The following CD47 variants were observed in gnomAD, a reference collection of about 807,000 sequenced individuals.
CD47 encodes the protein leukocyte surface antigen CD47.
In CD47, 11 loss-of-function variants were observed where a neutral mutation model predicts 44.6. The ratio of observed to expected loss-of-function variants is 0.25; its 90% confidence interval spans 0.16 to 0.41. The LOEUF is 0.41. Ranked by LOEUF, CD47 falls within the 10% of genes least tolerant of loss-of-function variation. The probability of loss-of-function intolerance (pLI) is 1.00; values close to 1 mark genes in which losing one functional copy is unlikely to be tolerated. For missense variants in CD47, 306 were observed against 386.7 expected (o/e 0.79, Z 1.75); for synonymous variants, 140 against 136.3 (o/e 1.03, Z -0.19).
At chr3:108,080,885 T>C (rs968591268) in intron 1 of CD47, among the ~76,000 whole-genome samples, 2 of 151,736 alleles carry the variant, frequency 1.3e-5, no homozygotes, top group Non-Finnish European at 3.0e-5. Context: ...GTAAATAGGA[T>C]GAATCAAATC....
At chr3:108,059,933 T>C (rs559924028) in intron 4 of CD47, among the ~76,000 whole-genome samples, 13 of 152,316 alleles carry the variant, frequency 8.5e-5, no homozygotes, top group African/African-American at 1.7e-4. Context: ...CAGATACCAA[T>C]AGAGCTGCCA....
At position 108,043,441 on chromosome 3, in the gene CD47, T is replaced by TA. The variant is rs201462458; in HGVS notation, c.*3846dup. ...CAGTGATAAATTGATTTAATACATA[T>TA]AAAAAAAAAAACCTTTAACGGTAAC... On this transcript the variant is annotated 3_prime_UTR_variant, in exon 11 of 11. Coordinates refer to ENST00000361309, the MANE Select transcript of CD47 (RefSeq NM_001777.4). 294 of 142,402 alleles carry TA rather than the reference T, an allele frequency of 2.1e-3. 2 individuals carry two copies. The highest frequency in any genetic ancestry group is 3.6e-3 in the Middle Eastern group (1 of 278). The allele number at this position is 142,402 out of a possible 1,614,324, so 8.8% of individuals were successfully genotyped here. A position where few individuals can be genotyped will look rare whatever the true frequency, so the allele number is the denominator to read the frequency against.
At position 108,087,782 on chromosome 3, in the gene CD47, T is replaced by A. The variant is rs151124948; in HGVS notation, c.46+3081A>T. 2.2e-4 allele frequency among the ~76,000 whole-genome samples: 34 copies of A among 152,278 alleles called. No individual in the cohort carries two copies. The East Asian group carries it at 6.6e-3, about 29-fold the overall frequency. ...GAGTCTTATGCAACTGCTCCATGGA[T>A]TTGGAATGAAATATTCAGAGGTGGG... On this transcript the variant is annotated intron_variant, in intron 1 of 10. Coordinates refer to ENST00000361309, the MANE Select transcript of CD47 (RefSeq NM_001777.4).
Position 108,046,703 on chromosome 3 carries a change from C to T in CD47, c.*585G>A, listed in dbSNP as rs1009349811. On this transcript the variant is annotated 3_prime_UTR_variant, in exon 11 of 11. Coordinates refer to ENST00000361309, the MANE Select transcript of CD47 (RefSeq NM_001777.4). Reference sequence around the variant, plus strand: ...CCCCAAGAATGAGGACCACTATCTCCATCAATATCACATCATACGGAGATC... The same window carrying T: ...CCCCAAGAATGAGGACCACTATCTCTATCAATATCACATCATACGGAGATC... 1 of 152,176 alleles carries T rather than the reference C, an allele frequency of 6.6e-6. No homozygotes were observed. The highest frequency in any genetic ancestry group is 2.4e-5 in the African/African-American group (1 of 41,382). The allele number at this position is 152,176 out of a possible 1,614,324, so 9.4% of individuals were successfully genotyped here.
At chr3:108,089,982 T>A (rs1243133411) in intron 1 of CD47, among the ~76,000 whole-genome samples, 1 of 109,324 alleles carries the variant, frequency 9.1e-6, no homozygotes, top group African/African-American at 3.6e-5. Context: ...AAAAGCGAAA[T>A]GGATTCCAAA....
chr3:108,077,684 A>G (rs2079334236), intron 2 of CD47, among the ~76,000 whole-genome samples: 1 of 152,118 alleles, frequency 6.6e-6, no homozygotes, highest in Admixed American at 6.6e-5. Flanking sequence ...AAACTGTGAT[A>G]TATTCATACT....
chr3:108,090,158 T>C (rs1487972004), intron 1 of CD47, among the ~76,000 whole-genome samples: 1 of 152,098 alleles, frequency 6.6e-6, no homozygotes, highest in Non-Finnish European at 1.5e-5. Flanking sequence ...AACTTCAACG[T>C]ACAATTTAGA....
intron 1 of CD47, among the ~76,000 whole-genome samples, 174 bp downstream of exon 1, chr3:108,090,689 C>T (rs943180307): frequency 2.6e-5 from 4 of 152,166 alleles, no homozygotes; most frequent in Admixed American, 6.5e-5. Context: ...AGAAGGGGGG[C>T]GCCCGATTCC....
intron 2 of CD47, among the ~76,000 whole-genome samples, chr3:108,076,168 T>C (rs1373061727): frequency 6.6e-6 from 1 of 152,182 alleles, no homozygotes; most frequent in East Asian, 1.9e-4. Flanking sequence ...TACAAAACTT[T>C]GAGCTAAAAA....
At chr3:108,075,606 G>A (rs1267466859) in intron 2 of CD47, among the ~76,000 whole-genome samples, 2 of 152,092 alleles carry the variant, frequency 1.3e-5, no homozygotes, top group African/African-American at 4.8e-5. Context: ...ATTCTAAGGT[G>A]GTCCCAAAAC....
At position 108,069,600 on chromosome 3, in the gene CD47, T is replaced by C. The variant is rs1465284179; in HGVS notation, c.490+1493A>G. Among the ~76,000 whole-genome samples, 3 of 152,108 alleles carry C rather than the reference T, an allele frequency of 2.0e-5. No individual in the cohort carries two copies. The East Asian group carries it at 5.8e-4, about 29-fold the overall frequency. On this transcript the variant is annotated intron_variant, in intron 3 of 10. Transcript: ENST00000361309. The stretch of plus-strand genomic sequence containing the variant: ...GACTTTTTTAAGTCAGAAAAAATAT[T>C]GTAAAGCTCATTTTGTAAAAATACA...
chr3:108,090,569 G>T (rs1016348094), intron 1 of CD47, among the ~76,000 whole-genome samples: 1 of 152,286 alleles, frequency 6.6e-6, no homozygotes, highest in East Asian at 1.9e-4. Flanking sequence ...CGAGGTGCGC[G>T]GTTTGGAGTC....
chr3:108,085,911 T>G (rs548076031), intron 1 of CD47, among the ~76,000 whole-genome samples: 4 of 152,208 alleles, frequency 2.6e-5, no homozygotes, highest in African/African-American at 9.6e-5. Context: ...TGAAGCTGCA[T>G]ATTTTCATGG....
At chr3:108,059,212 T>C (rs1393313391) in intron 5 of CD47, among the ~76,000 whole-genome samples, 1 of 152,196 alleles carries the variant, frequency 6.6e-6, no homozygotes, top group Non-Finnish European at 1.5e-5. Context: ...TATGGCATAA[T>C]TTAAAATTAT....
intron 3 of CD47, among the ~76,000 whole-genome samples, chr3:108,070,631 G>A (rs568979821): frequency 9.2e-5 from 14 of 152,252 alleles, no homozygotes; most frequent in African/African-American, 2.9e-4. Context: ...ACATAGTTCC[G>A]ACTGGACTTT....
At chr3:108,061,572 A>T (rs2079016375) in intron 3 of CD47, among the ~76,000 whole-genome samples, 1 of 152,222 alleles carries the variant, frequency 6.6e-6, no homozygotes, top group African/African-American at 2.4e-5. Context: ...GATTCATCAT[A>T]CATGTTATTG....
intron 1 of CD47, 49 bp from the exon 2 acceptor site, chr3:108,080,393 G>A: frequency 3.2e-6 from 3 of 946,854 alleles, no homozygotes; most frequent in Non-Finnish European, 4.8e-6. Context: ...AGTCTGTACT[G>A]TAAGATCTTA....
Position 108,080,090 on chromosome 3 carries a change from C to A in CD47, c.301G>T (p.Asp101Tyr), listed in dbSNP as rs753024870. ...LLKGDASLKM[D>Y]KSDAVSHTGN... ...GTGTGTGAGACAGCATCACTCTTAT[C>A]CATCTTCAAAGAGGCATCTCCTTTT... Residue 101 changes from aspartate (D) to tyrosine (Y), a missense_variant, in exon 2 of 11, where the codon GAT (aspartate) becomes TAT (tyrosine). Asp to Tyr is a radical substitution (Grantham distance 160). Around this residue, in one of 5 missense-constraint regions of CD47, gnomAD observed 47 missense variants for 36.2 expected, o/e 1.30. Transcript: ENST00000361309. 3 of 1,613,052 alleles carry A rather than the reference C, an allele frequency of 1.9e-6. No homozygotes were observed. The highest frequency in any genetic ancestry group is 4.5e-5 in the East Asian group (2 of 44,852).
chr3:108,050,533 C>A (rs914541446), intron 9 of CD47, 45 bp downstream of exon 9: 3 of 952,690 alleles, frequency 3.1e-6, no homozygotes, highest in South Asian at 1.5e-5. Context: ...CGGGCCAGAT[C>A]AAATTATGAT....
Sources: gnomAD v4.1 joint callset for allele counts (sites outside exome capture counted in the v4.1 genomes callset) on GRCh38, gnomAD v4.1.1 for gene constraint, gnomAD v4.1.1 regional missense constraint, MANE v1.5 for transcripts, NCBI Gene and HGNC (gene_info 2026-07-23, HGNC 2026-07-21) for gene names.